Variants in ICA1 observed in about 807,000 individuals in gnomAD.
ICA1 encodes the protein islet cell autoantigen 1, also known as 69 kDa islet cell autoantigen.
Under a neutral mutation model 71.0 loss-of-function variants are expected in ICA1, and 40 were observed. The ratio of observed to expected loss-of-function variants is 0.56; its 90% CI spans 0.44 to 0.73. The LOEUF (loss-of-function observed/expected upper bound fraction) is 0.73. Among genes scored for constraint, ICA1 ranks in the 30% least tolerant of loss-of-function variants. The pLI, the probability that ICA1 is intolerant of heterozygous loss-of-function variation, is 0.00. For missense variants in ICA1, 578 were observed against 576.5 expected (o/e 1.00, Z -0.03); for synonymous variants, 207 against 209.5 (o/e 0.99, Z 0.10).
In ICA1 at chr7:8,148,661, G is replaced by A. The variant is rs139416402; in HGVS notation, c.805-4689C>T. Among the ~76,000 whole-genome samples the A allele has an allele frequency of 4.4e-3, 673 of 152,140 alleles. 3 individuals are homozygous for A. Among genetic ancestry groups the A allele is most frequent in the African/African-American group, 0.015 (639 of 41,484 alleles). On this transcript the variant is annotated intron_variant, in intron 8 of 13. Transcript: ENST00000402384. ...ACATACTGTATTCACAGAGTGGGAC[G>A]ACCATCACCATAATCAATTTCAGGA...
chr7:8,203,355 A>C (rs1006751438), intron 6 of ICA1, among the ~76,000 whole-genome samples: 1 of 152,204 alleles, frequency 6.6e-6, no homozygotes, highest in Non-Finnish European at 1.5e-5. Flanking sequence ...GTTAAGACAT[A>C]AGAAATCTTC....
intron 6 of ICA1, among the ~76,000 whole-genome samples, chr7:8,170,688 G>A (rs936591569): frequency 6.6e-6 from 1 of 151,720 alleles, no homozygotes; most frequent in Non-Finnish European, 1.5e-5. Context: ...AAAATTCAAC[G>A]ATTAGCTTTA....
At chr7:8,146,081 G>C (rs1161419795) in intron 8 of ICA1, among the ~76,000 whole-genome samples, 1 of 152,116 alleles carries the variant, frequency 6.6e-6, no homozygotes, top group African/African-American at 2.4e-5. Context: ...AGTTCATTCA[G>C]TTAACAAATA....
intron 13 of ICA1, among the ~76,000 whole-genome samples, chr7:8,124,111 A>ATTTTTTTTTT: frequency 9.3e-6 from 1 of 107,412 alleles, no homozygotes; most frequent in Non-Finnish European, 1.8e-5. Flanking sequence ...GAATCATACA[A>ATTTTTTTTTT]TTTTTTTTTT....
At chr7:8,209,237 C>G (rs1008022024) in intron 6 of ICA1, among the ~76,000 whole-genome samples, 2 of 152,004 alleles carry the variant, frequency 1.3e-5, no homozygotes, top group Non-Finnish European at 2.9e-5. Context: ...GATTTAATGC[C>G]TCTCAAGAGA....
intron 13 of ICA1, among the ~76,000 whole-genome samples, chr7:8,125,271 CCT>C: frequency 6.6e-6 from 1 of 152,288 alleles, no homozygotes; most frequent in Non-Finnish European, 1.5e-5. Flanking sequence ...GCTATGAGTC[CCT>C]GTGTGGCCTG....
chr7:8,221,455 G>C, intron 4 of ICA1, 57 bp from the exon 5 acceptor site: 2 of 1,582,640 alleles, frequency 1.3e-6, no homozygotes, highest in Non-Finnish European at 1.7e-6. Flanking sequence ...ATTGCAAAGG[G>C]AACAAGAAAG....
At chr7:8,261,825 C>G (rs1322754076) in intron 1 of ICA1, among the ~76,000 whole-genome samples, 1 of 152,196 alleles carries the variant, frequency 6.6e-6, no homozygotes, top group Non-Finnish European at 1.5e-5. Context: ...TTCCCTACCG[C>G]TCCCCCGGGG....
Position 8,113,686 on chromosome 7 carries a change from C to A in ICA1, c.*237G>T. 1 of 387,000 alleles carries A rather than the reference C, an allele frequency of 2.6e-6. No homozygotes were observed. The highest frequency in any genetic ancestry group is 4.7e-6 in the Non-Finnish European group (1 of 210,870). The allele number at this position is 387,000 out of a possible 1,614,324, so 24.0% of individuals were successfully genotyped here. A position where few individuals can be genotyped will look rare whatever the true frequency, so the allele number is the denominator to read the frequency against. On this transcript the variant is annotated 3_prime_UTR_variant, in exon 14 of 14. Coordinates refer to ENST00000402384, the MANE Select transcript of ICA1 (RefSeq NM_001136020.3). The surrounding 1 kb of genome is among the most constrained non-coding windows in gnomAD (Gnocchi z 4.2). Reference sequence around the variant, plus strand: ...GGGATGTAGGCAGGAGAGCGGTGGCCTGGAAACCGCTTCTAGACAATCCTG... The same window carrying A: ...GGGATGTAGGCAGGAGAGCGGTGGCATGGAAACCGCTTCTAGACAATCCTG...
Position 8,241,851 on chromosome 7 carries a change from G to A in ICA1, c.-79-5846C>T, listed in dbSNP as rs182942772. Among the ~76,000 whole-genome samples the A allele has an allele frequency of 2.0e-3, 297 of 152,166 alleles. 3 individuals carry two copies. The highest frequency in any genetic ancestry group is 6.5e-3 in the African/African-American group (271 of 41,516). On this transcript the variant is annotated intron_variant, in intron 1 of 13. Transcript: ENST00000402384. ...TACATAATGGTAAAGGGGTCAATTC[G>A]ACAAGAAGAGTTAACTATCCTAAAT...
At chr7:8,239,071 C>T (rs769816290) in intron 1 of ICA1, among the ~76,000 whole-genome samples, 2 of 152,178 alleles carry the variant, frequency 1.3e-5, no homozygotes, top group Non-Finnish European at 2.9e-5. Context: ...GCAAAGGAAT[C>T]ATAAGTGGTC....
intron 9 of ICA1, 130 bp from the exon 10 acceptor site, chr7:8,141,947 G>A: frequency 6.9e-7 from 1 of 1,449,322 alleles, no homozygotes; most frequent in African/African-American, 1.4e-5. Context: ...ACACGAAGAA[G>A]GGTCAACATA....
intron 13 of ICA1, among the ~76,000 whole-genome samples, chr7:8,121,032 G>A (rs1243726883): frequency 6.6e-6 from 1 of 152,222 alleles, no homozygotes; most frequent in Non-Finnish European, 1.5e-5. Flanking sequence ...TGCCTGCAAG[G>A]GGTAGATAAA....
chr7:8,224,245 C>T (rs73677010), intron 4 of ICA1, among the ~76,000 whole-genome samples: 2,830 of 152,178 alleles, frequency 0.019, 86 homozygotes, highest in African/African-American at 0.065. Flanking sequence ...TTCTGAATGA[C>T]GATAGCCTTG....
Position 8,235,767 on chromosome 7 carries a change from C to T in ICA1, c.17+143G>A, listed in dbSNP as rs1489863349. The T allele has an allele frequency of 5.4e-6, 4 of 737,972 alleles. No homozygotes were observed. In the South Asian group the frequency reaches 7.7e-5, roughly 14 times the overall value. 45.7% of individuals were successfully genotyped at this position (737,972 alleles called of 1,614,324 possible). ...TTTCACACCATATTTAACAGAGATA[C>T]TGAATTTGGCTCAGCATTGGTGAGG... On this transcript the variant is annotated intron_variant, in intron 2 of 13. Transcript: ENST00000402384.
At chr7:8,154,915 T>C (rs1379327669) in intron 8 of ICA1, among the ~76,000 whole-genome samples, 1 of 152,196 alleles carries the variant, frequency 6.6e-6, no homozygotes, top group East Asian at 1.9e-4. Flanking sequence ...CATTATATCA[T>C]ATTTGAGTCC....
intron 4 of ICA1, among the ~76,000 whole-genome samples, chr7:8,228,044 C>A (rs1310525586): frequency 6.6e-6 from 1 of 152,148 alleles, no homozygotes; most frequent in African/African-American, 2.4e-5. Flanking sequence ...AAATGACCTA[C>A]AAATGGAAAC....
chr7:8,251,610 G>C (rs1394689863), intron 1 of ICA1, among the ~76,000 whole-genome samples: 1 of 151,760 alleles, frequency 6.6e-6, no homozygotes, highest in Non-Finnish European at 1.5e-5. Flanking sequence ...TCCAAGATCA[G>C]GTTAAAGGTC....
intron 6 of ICA1, among the ~76,000 whole-genome samples, chr7:8,175,949 G>C (rs1293338919): frequency 6.6e-6 from 1 of 152,158 alleles, no homozygotes; most frequent in African/African-American, 2.4e-5. Context: ...TCAGTCTTTG[G>C]TTCCATGGAC....
Sources: gnomAD v4.1 joint callset for allele counts (sites outside exome capture counted in the v4.1 genomes callset) on GRCh38, gnomAD v4.1.1 for gene constraint, Gnocchi (gnomAD v3.1) non-coding constraint, MANE v1.5 for transcripts, NCBI Gene and HGNC (gene_info 2026-07-23, HGNC 2026-07-21) for gene names.